GABRG2: variants seen among roughly 807,000 people sequenced by gnomAD.
The protein encoded by GABRG2 is gamma-aminobutyric acid receptor subunit gamma-2.
GABRG2 carries 16 observed loss-of-function variants against 56.4 expected under a neutral mutation model. That is an observed-to-expected ratio of 0.28 (90% CI 0.19 to 0.43). The LOEUF (loss-of-function observed/expected upper bound fraction) is 0.43, where lower values mean the gene tolerates loss of function less well. Ranked by LOEUF, GABRG2 falls within the 20% of genes least tolerant of loss-of-function variation. GABRG2 has a pLI of 1.00. For synonymous variants in GABRG2, 208 were observed against 205.5 expected (o/e 1.01, Z -0.10); for missense variants, 327 against 582.7 (o/e 0.56, Z 4.52).
intron 6 of GABRG2, among the ~76,000 whole-genome samples, chr5:162,107,625 G>A (rs759405605): frequency 6.6e-4 from 100 of 152,120 alleles, no homozygotes; most frequent in Non-Finnish European, 1.2e-3. Flanking sequence ...GTGGTGGGTC[G>A]ATAAGATTTG....
At chr5:162,104,724 A>G (rs1363086383) in intron 6 of GABRG2, among the ~76,000 whole-genome samples, 1 of 151,878 alleles carries the variant, frequency 6.6e-6, no homozygotes, top group Non-Finnish European at 1.5e-5. Context: ...ATTAATTATG[A>G]TTATCAGATG....
At chr5:162,113,271 G>C (rs571230764) in intron 6 of GABRG2, among the ~76,000 whole-genome samples, 30 of 152,138 alleles carry the variant, frequency 2.0e-4, no homozygotes, top group African/African-American at 7.0e-4. Context: ...TATCTCTGCT[G>C]TTCAAGAAAT....
intron 1 of GABRG2, among the ~76,000 whole-genome samples, chr5:162,077,667 A>AAAT (rs1488721556): frequency 6.6e-6 from 1 of 152,208 alleles, no homozygotes; most frequent in Non-Finnish European, 1.5e-5. Flanking sequence ...TAGCAGTTTA[A>AAAT]AATAAGAAAC....
chr5:162,130,623 T>C (rs1319726168), intron 6 of GABRG2, among the ~76,000 whole-genome samples: 4 of 152,006 alleles, frequency 2.6e-5, no homozygotes, highest in African/African-American at 9.7e-5. Context: ...TTTGGCGTTA[T>C]ATTTATTAAT....
intron 1 of GABRG2, among the ~76,000 whole-genome samples, chr5:162,068,489 A>C (rs925539366): frequency 2.0e-5 from 3 of 150,808 alleles, no homozygotes; most frequent in African/African-American, 7.3e-5. Flanking sequence ...GGAGAAATTT[A>C]CAAATGGGTC....
chr5:162,085,196 T>G (rs1356954119), intron 1 of GABRG2, among the ~76,000 whole-genome samples: 2 of 151,994 alleles, frequency 1.3e-5, no homozygotes, highest in African/African-American at 4.8e-5. Flanking sequence ...ACTGTTGATT[T>G]GAGTTTTATT....
At chr5:162,118,657 T>C (rs1762786553) in intron 6 of GABRG2, among the ~76,000 whole-genome samples, 1 of 152,068 alleles carries the variant, frequency 6.6e-6, no homozygotes, top group African/African-American at 2.4e-5. Context: ...ATGAAATAAA[T>C]GAATCATTTC....
At chr5:162,078,852 A>G (rs1297674486) in intron 1 of GABRG2, among the ~76,000 whole-genome samples, 1 of 151,968 alleles carries the variant, frequency 6.6e-6, no homozygotes, top group East Asian at 1.9e-4. Flanking sequence ...ATATTTAACT[A>G]AGTGAATTAT....
intron 6 of GABRG2, among the ~76,000 whole-genome samples, chr5:162,129,674 A>G (rs1253995025): frequency 6.6e-6 from 1 of 151,906 alleles, no homozygotes; most frequent in Non-Finnish European, 1.5e-5. Flanking sequence ...GCTCAACATT[A>G]TAAAGCAAAT....
intron 9 of GABRG2, 110 bp from the exon 10 acceptor site, chr5:162,152,983 T>C: frequency 7.9e-7 from 1 of 1,273,170 alleles, no homozygotes. Context: ...AGCAATTTCC[T>C]GAGTACCCAT....
At chr5:162,142,136 G>T (rs375422887) in intron 6 of GABRG2, 28 bp from the exon 7 acceptor site, 5 of 1,612,050 alleles carry the variant, frequency 3.1e-6, no homozygotes, top group South Asian at 1.1e-5. Flanking sequence ...ATAAAGGGTT[G>T]TATGGTGTTA....
chr5:162,147,819 TAAC>T (rs1028939878), intron 7 of GABRG2, among the ~76,000 whole-genome samples: 1 of 152,162 alleles, frequency 6.6e-6, no homozygotes, highest in African/African-American at 2.4e-5. Flanking sequence ...GAAATATAAA[TAAC>T]AAAACCTGGT....
intron 6 of GABRG2, among the ~76,000 whole-genome samples, chr5:162,118,732 C>T (rs1416714382): frequency 6.6e-6 from 1 of 152,014 alleles, no homozygotes; most frequent in African/African-American, 2.4e-5. Context: ...CTCCTGGGTT[C>T]CTGTGATCAG....
intron 1 of GABRG2, among the ~76,000 whole-genome samples, chr5:162,085,945 G>T (rs1760065245): frequency 6.6e-6 from 1 of 151,074 alleles, no homozygotes; most frequent in African/African-American, 2.5e-5. Context: ...ATTCCATGGT[G>T]TATACGTACC....
intron 7 of GABRG2, among the ~76,000 whole-genome samples, chr5:162,143,695 A>T (rs1015757365): frequency 1.6e-4 from 25 of 152,320 alleles, no homozygotes; most frequent in African/African-American, 5.8e-4. Flanking sequence ...TAACATTAGA[A>T]TGTCATTTAA....
chr5:162,131,275 G>T (rs1763736053), intron 6 of GABRG2, among the ~76,000 whole-genome samples: 1 of 151,982 alleles, frequency 6.6e-6, no homozygotes, highest in Non-Finnish European at 1.5e-5. Flanking sequence ...TTTGGAAAAT[G>T]CTAAGTTAAA....
upstream of GABRG2, chr5:162,067,668 C>T: frequency 1.7e-6 from 1 of 596,972 alleles, no homozygotes; most frequent in Non-Finnish European, 3.0e-6. Flanking sequence ...TGAGTATACA[C>T]GAGTGTGCGT....
intron 8 of GABRG2, chr5:162,150,846 A>C (rs1406751765): frequency 2.0e-5 from 3 of 152,224 alleles, no homozygotes; most frequent in African/African-American, 4.8e-5. Flanking sequence ...AATTGCTCAA[A>C]TATTTACAAT....
intron 1 of GABRG2, among the ~76,000 whole-genome samples, chr5:162,073,545 C>T (rs187004700): frequency 4.6e-5 from 7 of 151,862 alleles, no homozygotes; most frequent in Admixed American, 2.0e-4. Flanking sequence ...AAAAGTGAAG[C>T]AACGATACTC....
Sources: allele counts gnomAD v4.1 joint callset (sites outside exome capture counted in the v4.1 genomes callset), GRCh38; gene constraint gnomAD v4.1.1; transcripts MANE v1.5; gene names NCBI Gene and HGNC (gene_info 2026-07-23, HGNC 2026-07-21).